The following MAP2 variants were observed in gnomAD, a reference collection of about 807,000 sequenced individuals.
The protein encoded by MAP2 is microtubule-associated protein 2.
MAP2 carries 14 observed loss-of-function variants against 137.6 expected under a neutral mutation model. That is an observed-to-expected ratio of 0.10 (90% CI 0.07 to 0.16). The LOEUF is 0.16. MAP2 is among the 10% of genes least tolerant of loss of function. MAP2 has a pLI of 1.00. For missense variants in MAP2, 2,088 were observed against 2,191.5 expected, an observed-to-expected ratio of 0.95 and a Z score of 0.94; for synonymous variants, 786 against 782.3, an observed-to-expected ratio of 1.00 and a Z score of -0.08.
intron 2 of MAP2, among the ~76,000 whole-genome samples, chr2:209,540,630 CAAAA>C (rs749183996): frequency 1.8e-3 from 51 of 27,586 alleles, no homozygotes; most frequent in East Asian, 4.8e-3. Context: ...GACTCCGTCT[CAAAA>C]AAAAAAAAAA....
At chr2:209,540,630 C>CAAAAAAAAAAAAAAAAAAA (rs749183996) in intron 2 of MAP2, among the ~76,000 whole-genome samples, 2 of 27,590 alleles carry the variant, frequency 7.2e-5, no homozygotes, top group African/African-American at 1.4e-4. Flanking sequence ...GACTCCGTCT[C>CAAAAAAAAAAAAAAAAAAA]AAAAAAAAAA....
chr2:209,538,330 A>G (rs1234261226), intron 2 of MAP2, among the ~76,000 whole-genome samples: 1 of 152,156 alleles, frequency 6.6e-6, no homozygotes, highest in Non-Finnish European at 1.5e-5. Flanking sequence ...ACTGACTTTT[A>G]AGGTTAAAAG....
chr2:209,660,824 C>G lies in MAP2; in HGVS notation c.262+7392C>G, dbSNP rs544531264. On this transcript the variant is annotated intron_variant, in intron 5 of 15. Coordinates refer to ENST00000682079, the MANE Select transcript of MAP2 (RefSeq NM_001375505.1). ...TCTCGGCTCACTGCAAGCTCCGCCT[C>G]CCGGATTCACACCCATTCTCCTGCC... Among the ~76,000 whole-genome samples the G allele has an allele frequency of 4.7e-5, 7 of 149,820 alleles. No homozygotes were observed. The South Asian group carries it at 1.3e-3, about 27-fold the overall frequency.
At chr2:209,666,177 C>G (rs979781567) in intron 5 of MAP2, among the ~76,000 whole-genome samples, 1 of 152,100 alleles carries the variant, frequency 6.6e-6, no homozygotes, top group African/African-American at 2.4e-5. Context: ...TGCTTTCCTT[C>G]GAGCTTTACT....
At chr2:209,632,798 A>G (rs570116465) in intron 4 of MAP2, among the ~76,000 whole-genome samples, 2 of 152,276 alleles carry the variant, frequency 1.3e-5, no homozygotes, top group South Asian at 2.1e-4. Flanking sequence ...ATTCTGAAGT[A>G]TCTCAGAAAT....
At chr2:209,609,218 C>G (rs1233105640) in intron 3 of MAP2, among the ~76,000 whole-genome samples, 1 of 151,660 alleles carries the variant, frequency 6.6e-6, no homozygotes, top group African/African-American at 2.4e-5. Context: ...GCTTAAAACT[C>G]TGAAAAAAAT....
At chr2:209,545,726 C>A (rs925358966) in intron 2 of MAP2, among the ~76,000 whole-genome samples, 3 of 152,118 alleles carry the variant, frequency 2.0e-5, no homozygotes, top group African/African-American at 7.2e-5. Context: ...AGTTCAGGAT[C>A]TTTTTGTGAC....
intron 2 of MAP2, among the ~76,000 whole-genome samples, chr2:209,531,276 G>A (rs1031504427): frequency 3.9e-5 from 6 of 152,278 alleles, no homozygotes; most frequent in African/African-American, 1.4e-4. Context: ...CTGTCCTCAT[G>A]TTGTGGGCTT....
At chr2:209,514,820 T>C (rs2150314897) in intron 2 of MAP2, among the ~76,000 whole-genome samples, 1 of 152,220 alleles carries the variant, frequency 6.6e-6, no homozygotes, top group South Asian at 2.1e-4. Flanking sequence ...AAAGTATCCA[T>C]TGTGTATTAG....
chr2:209,550,464 C>T (rs2068948306), intron 2 of MAP2, among the ~76,000 whole-genome samples: 2 of 152,198 alleles, frequency 1.3e-5, no homozygotes, highest in East Asian at 3.9e-4. Context: ...AGAAATAGGA[C>T]TTTATTGCAT....
At position 209,593,655 on chromosome 2, in the gene MAP2, ATATATATATATATATATATG is replaced by A. The variant is rs2080094309; in HGVS notation, c.-107+13559_-107+13578del. On this transcript the variant is annotated intron_variant, in intron 3 of 15. Coordinates refer to ENST00000682079, the MANE Select transcript of MAP2 (RefSeq NM_001375505.1). ...AAAAAATATATATATATATATATAT[ATATATATATATATATATATG>A]TATTATAAAAAATAATATATATTAT... 2.4e-5 allele frequency among the ~76,000 whole-genome samples: 2 copies of A among 84,236 alleles called. 1 individual carries two copies. The allele number at this position is 84,236 out of a possible 152,430, so 55.3% of individuals were successfully genotyped here. A position where few individuals can be genotyped will look rare whatever the true frequency, so the allele number is the denominator to read the frequency against.
intron 2 of MAP2, among the ~76,000 whole-genome samples, chr2:209,563,582 A>G (rs2072697150): frequency 6.6e-6 from 1 of 152,182 alleles, no homozygotes; most frequent in Admixed American, 6.5e-5. Flanking sequence ...GCTCATAGTG[A>G]AATCCCTTGG....
chr2:209,511,797 C>A (rs1436180256), intron 2 of MAP2, among the ~76,000 whole-genome samples: 2 of 152,036 alleles, frequency 1.3e-5, no homozygotes, highest in Non-Finnish European at 2.9e-5. Flanking sequence ...GTCTCAAACT[C>A]CTGGCTTAAA....
chr2:209,524,390 A>G (rs1438997959), intron 2 of MAP2, among the ~76,000 whole-genome samples: 1 of 152,068 alleles, frequency 6.6e-6, no homozygotes, highest in Non-Finnish European at 1.5e-5. Context: ...CAATTAAGCA[A>G]TATAATTCAC....
chr2:209,675,063 A>G (rs750981397), intron 5 of MAP2, among the ~76,000 whole-genome samples: 19 of 151,870 alleles, frequency 1.3e-4, no homozygotes, highest in Non-Finnish European at 1.8e-4. Context: ...TGTGAACTCT[A>G]TATTATAAAA....
At chr2:209,547,809 A>G (rs1424452145) in intron 2 of MAP2, among the ~76,000 whole-genome samples, 4 of 152,186 alleles carry the variant, frequency 2.6e-5, no homozygotes, top group Non-Finnish European at 4.4e-5. Context: ...TAATTCCACT[A>G]TTATTATGAT....
intron 5 of MAP2, among the ~76,000 whole-genome samples, chr2:209,673,377 T>C (rs1298974134): frequency 6.6e-6 from 1 of 151,676 alleles, no homozygotes; most frequent in Admixed American, 6.6e-5. Flanking sequence ...GATAAAATAA[T>C]AACAAATTAA....
intron 1 of MAP2, among the ~76,000 whole-genome samples, chr2:209,424,656 T>C (rs1692037468): frequency 2.0e-5 from 3 of 152,044 alleles, no homozygotes; most frequent in Non-Finnish European, 4.4e-5. Flanking sequence ...TAGTGGAAAA[T>C]AGGAAATCGA....
In MAP2 at chr2:209,694,032, A is replaced by G. The variant is rs762650609; in HGVS notation, c.1862A>G (p.Gln621Arg). 1 of 1,613,872 alleles carries G rather than the reference A, an allele frequency of 6.2e-7. No individual in the cohort carries two copies. Among genetic ancestry groups the G allele is most frequent in the African/African-American group, 1.3e-5 (1 of 75,020 alleles). ...PMHKNGDKEF[Q>R]TGKESQPSPP... ...CATAAAAATGGTGACAAGGAGTTTC[A>G]AACAGGAAAAGAATCCCAGCCCAGT... The change falls in exon 8 of 16, where the codon CAA becomes CGA. Residue 621 changes from glutamine to arginine, a missense_variant. Physicochemically the swap from Gln to Arg is conservative, Grantham distance 43 (BLOSUM62 1). Around this residue, in one of 6 missense-constraint regions of MAP2, gnomAD observed 859 missense variants for 794.5 expected, o/e 1.08. Transcript: ENST00000682079.
Sources: allele counts gnomAD v4.1 joint callset (sites outside exome capture counted in the v4.1 genomes callset), GRCh38; gene constraint gnomAD v4.1.1; regional missense constraint gnomAD v4.1.1; transcripts MANE v1.5; gene names NCBI Gene and HGNC (gene_info 2026-07-23, HGNC 2026-07-21).